PDE4A: variants seen among roughly 807,000 people sequenced by gnomAD.
PDE4A encodes phosphodiesterase 4A, also known as 3',5'-cyclic-AMP phosphodiesterase 4A.
PDE4A carries 21 observed loss-of-function variants against 73.9 expected under a neutral mutation model. The observed-to-expected ratio is 0.28, with a 90% CI of 0.20 to 0.41. The LOEUF is 0.41. Ranked by LOEUF, PDE4A falls within the 10% of genes least tolerant of loss-of-function variation. PDE4A has a pLI of 1.00. For missense variants in PDE4A, 958 were observed against 1,211.4 expected, an observed-to-expected ratio of 0.79 and a Z score of 3.10; for synonymous variants, 463 against 505.4, an observed-to-expected ratio of 0.92 and a Z score of 1.13.
At chr19:10,420,465 G>T, upstream of PDE4A, 2 of 797,918 alleles carry the variant, frequency 2.5e-6, no homozygotes, top group Non-Finnish European at 3.0e-6. This position sits in a 1 kb window ranked among gnomAD's most constrained non-coding sequence, Gnocchi z 6.0. Context: ...GGGGGGCGGG[G>T]AGGGGCGGGA....
chr19:10,461,832 G>C (rs199805319), intron 12 of PDE4A, 45 bp from the exon 13 acceptor site: 7 of 1,600,160 alleles, frequency 4.4e-6, no homozygotes, highest in Non-Finnish European at 2.6e-6. Flanking sequence ...GGGTCAGTCT[G>C]GGGGGCGGGT....
rs752075895 is a variant in PDE4A, at chr19:10,460,986, C to T, written c.1366-18C>T. 6.2e-7 allele frequency: 1 copy of T among 1,606,844 alleles called. No individual in the cohort carries two copies. The highest frequency in any genetic ancestry group is 1.1e-5 in the South Asian group (1 of 90,752). ...GGCTTCAACTCTGTTATTCTAACAT[C>T]CGTGTCTCTGCTCCCAGGCAGTGTT... On this transcript the variant is annotated intron_variant, in intron 10 of 14. Coordinates refer to ENST00000380702, the MANE Select transcript of PDE4A (RefSeq NM_001111307.2).
At chr19:10,457,786 C>T in intron 7 of PDE4A, 93 bp from the exon 8 acceptor site, 1 of 1,547,272 alleles carries the variant, frequency 6.5e-7, no homozygotes, top group Non-Finnish European at 8.7e-7. Context: ...TTCGGGTGAG[C>T]CTTCCCCGTA....
intron 9 of PDE4A, 39 bp from the exon 10 acceptor site, chr19:10,459,556 G>T (rs201641217): frequency 8.7e-6 from 14 of 1,611,278 alleles, no homozygotes; most frequent in Non-Finnish European, 1.2e-5. Context: ...GGCGCTGGAG[G>T]CCGGTGGAGG....
Position 10,460,984 on chromosome 19 carries a change from A to T in PDE4A, c.1366-20A>T. On this transcript the variant is annotated intron_variant, in intron 10 of 14. Coordinates refer to ENST00000380702, the MANE Select transcript of PDE4A (RefSeq NM_001111307.2). ...ATGGCTTCAACTCTGTTATTCTAAC[A>T]TCCGTGTCTCTGCTCCCAGGCAGTG... is the stretch of plus-strand genomic sequence containing the variant. The T allele has an allele frequency of 6.2e-7, 1 of 1,606,436 alleles. No individual in the cohort carries two copies. Among genetic ancestry groups the T allele is most frequent in the Non-Finnish European group, 8.5e-7 (1 of 1,174,332 alleles).
chr19:10,463,700 C>G (rs2043314651), intron 13 of PDE4A, 93 bp from the exon 14 acceptor site: 1 of 1,567,744 alleles, frequency 6.4e-7, no homozygotes, highest in Non-Finnish European at 8.7e-7. Context: ...AGTGCCTGGC[C>G]CCCATTTCTT....
intron 2 of PDE4A, 186 bp from the exon 3 acceptor site, chr19:10,448,731 C>G: frequency 1.3e-6 from 1 of 779,338 alleles, no homozygotes; most frequent in Non-Finnish European, 1.6e-6. Flanking sequence ...CACTCCTTGA[C>G]TGCCATTTCT....
At chr19:10,420,517 A>ACGCGGAGCGCGGAGCGCGGAGCGCGGAG, upstream of PDE4A, 1 of 1,047,788 alleles carries the variant, frequency 9.5e-7, no homozygotes, top group Non-Finnish European at 1.2e-6. The surrounding 1 kb of genome is among the most constrained non-coding windows in gnomAD (Gnocchi z 6.0). Context: ...GGGCCGCGGA[A>ACGCGGAGCGCGGAGCGCGGAGCGCGGAG]CGCGGAGCGC....
intron 1 of PDE4A, among the ~76,000 whole-genome samples, chr19:10,441,259 G>C (rs965105976): frequency 8.5e-5 from 13 of 152,058 alleles, no homozygotes; most frequent in African/African-American, 1.7e-4. Flanking sequence ...TTTTTGAGTA[G>C]CTGGGACTAT....
rs201131300 is a variant in PDE4A at position 10,454,929 on chromosome 19, G to A, written c.877+7G>A. The A allele has an allele frequency of 3.1e-6, 5 of 1,613,858 alleles. No homozygotes were observed. The South Asian group carries it at 3.3e-5, about 11-fold the overall frequency. ...ATTTCCACAACATTCCTGGGTGAGT[G>A]AGGGGAAGCACGTGGGATTGGAGGG... On this transcript the variant is annotated splice_region_variant and intron_variant, in intron 7 of 14. Transcript: ENST00000380702.
At chr19:10,443,823 A>T (rs1197914223) in intron 1 of PDE4A, among the ~76,000 whole-genome samples, 1 of 151,646 alleles carries the variant, frequency 6.6e-6, no homozygotes, top group African/African-American at 2.4e-5. Context: ...CCTGGCCAAC[A>T]TGGTAAAATC....
intron 14 of PDE4A, 47 bp from the exon 15 acceptor site, chr19:10,466,840 C>A: frequency 3.8e-6 from 6 of 1,577,796 alleles, no homozygotes; most frequent in South Asian, 1.2e-5. Flanking sequence ...GTGGTGGTAT[C>A]ATCCACCCCA....
chr19:10,453,181 C>G lies in PDE4A; in HGVS notation c.784-1648C>G. 6.7e-7 allele frequency: 1 copy of G among 1,488,270 alleles called. No homozygotes were observed. The highest frequency in any genetic ancestry group is 1.4e-5 in the South Asian group (1 of 73,690). The allele number at this position is 1,488,270 out of a possible 1,614,324, so 92.2% of individuals were successfully genotyped here. A position where few individuals can be genotyped will look rare whatever the true frequency, so the allele number is the denominator to read the frequency against. On this transcript the variant is annotated intron_variant, in intron 6 of 14. Transcript: ENST00000380702. This position sits in a 1 kb window ranked among gnomAD's most constrained non-coding sequence, Gnocchi z 4.6. ...CTTCCACTACCCACCTGCCCGGCAC[C>G]CCCTCCCCAGTGGTTGTTAACCCCG...
chr19:10,426,156 C>T (rs150062312), intron 1 of PDE4A, among the ~76,000 whole-genome samples: 261 of 151,954 alleles, frequency 1.7e-3, no homozygotes, highest in African/African-American at 6.0e-3. Context: ...CATGGTGAGA[C>T]CCTATCTCTA....
intron 1 of PDE4A, chr19:10,430,966 G>C (rs2042780570): frequency 6.5e-7 from 1 of 1,539,742 alleles, no homozygotes; most frequent in African/African-American, 1.4e-5. Context: ...GCGCCCCGCC[G>C]CCCGCGTTCG....
chr19:10,416,816 T>C, upstream of PDE4A: 1 of 1,509,400 alleles, frequency 6.6e-7, no homozygotes, highest in East Asian at 2.5e-5. Flanking sequence ...CGGGGGCGGG[T>C]TCTAGGCCCG....
rs1167302761 is a variant in PDE4A at position 10,458,487 on chromosome 19, TC to T, written c.1101+387del. On this transcript the variant is annotated intron_variant, in intron 8 of 14. Transcript: ENST00000380702. This position sits in a 1 kb window ranked among gnomAD's most constrained non-coding sequence, Gnocchi z 4.6. Reference sequence around the variant, plus strand: ...AGACCGGTGTTTCACTCCTAGCTCTTCCAGGGGACAGCGGCAGTGGAAGTGA... The same window carrying T: ...AGACCGGTGTTTCACTCCTAGCTCTTCAGGGGACAGCGGCAGTGGAAGTGA... 6.6e-6 allele frequency among the ~76,000 whole-genome samples: 1 copy of T among 152,204 alleles called. No homozygotes were observed. Among genetic ancestry groups the T allele is most frequent in the Non-Finnish European group, 1.5e-5 (1 of 68,042 alleles).
chr19:10,428,387 A>G (rs1340670864), intron 1 of PDE4A, among the ~76,000 whole-genome samples: 1 of 150,850 alleles, frequency 6.6e-6, no homozygotes, highest in Non-Finnish European at 1.5e-5. Flanking sequence ...AGAGAGAGAG[A>G]GAGAGATATT....
chr19:10,459,539 A>G, intron 9 of PDE4A, 41 bp downstream of exon 9: 2 of 1,611,458 alleles, frequency 1.2e-6, no homozygotes, highest in East Asian at 2.2e-5. Flanking sequence ...TGAGGGGCTC[A>G]TAGCGGGGCG....
Sources: gnomAD v4.1 joint callset for allele counts (sites outside exome capture counted in the v4.1 genomes callset) on GRCh38, gnomAD v4.1.1 for gene constraint, Gnocchi (gnomAD v3.1) non-coding constraint, MANE v1.5 for transcripts, NCBI Gene and HGNC (gene_info 2026-07-23, HGNC 2026-07-21) for gene names.